FER1L6: variants seen among roughly 807,000 people sequenced by gnomAD.
FER1L6 encodes fer-1-like protein 6.
FER1L6 carries 177 observed loss-of-function variants against 219.2 expected under a neutral mutation model. That is an observed-to-expected ratio of 0.81 (90% CI 0.71 to 0.91). The LOEUF (loss-of-function observed/expected upper bound fraction) is 0.91, where lower values mean the gene tolerates loss of function less well. Ranked by LOEUF, FER1L6 falls within the 40% of genes least tolerant of loss-of-function variation. The pLI, the probability that FER1L6 is intolerant of heterozygous loss-of-function variation, is 0.00. For missense variants in FER1L6, 2,153 were observed against 2,259.9 expected (o/e 0.95, Z 0.96); for synonymous variants, 768 against 824.3 (o/e 0.93, Z 1.17).
At chr8:124,000,421 G>T (rs1032653234) in intron 12 of FER1L6, among the ~76,000 whole-genome samples, 1 of 152,030 alleles carries the variant, frequency 6.6e-6, no homozygotes, top group African/African-American at 2.4e-5. Flanking sequence ...GTCTTTCTGT[G>T]GGGGGTGATC....
chr8:124,027,380 GA>G (rs1162486902), intron 18 of FER1L6, among the ~76,000 whole-genome samples: 1 of 152,176 alleles, frequency 6.6e-6, no homozygotes, highest in African/African-American at 2.4e-5. Context: ...TCATGGTGAG[GA>G]AAAAGTGAAT....
chr8:124,070,959 T>C (rs1821044387), intron 30 of FER1L6, among the ~76,000 whole-genome samples: 1 of 152,212 alleles, frequency 6.6e-6, no homozygotes, highest in South Asian at 2.1e-4. Flanking sequence ...TCTGGCAGAC[T>C]TACAGTGTGA....
intron 1 of FER1L6, among the ~76,000 whole-genome samples, chr8:123,872,947 A>G (rs1816949011): frequency 6.6e-6 from 1 of 152,240 alleles, no homozygotes; most frequent in Non-Finnish European, 1.5e-5. Context: ...TATGTTGGAC[A>G]TGATGTTCCC....
At chr8:123,883,219 G>A (rs1817142259) in intron 1 of FER1L6, among the ~76,000 whole-genome samples, 1 of 152,174 alleles carries the variant, frequency 6.6e-6, no homozygotes, top group Admixed American at 6.5e-5. Flanking sequence ...ACAGAGGTGG[G>A]GCTGTGCTGT....
chr8:124,014,793 A>G (rs79673099), intron 15 of FER1L6, among the ~76,000 whole-genome samples: 4,132 of 152,264 alleles, frequency 0.027, 82 homozygotes, highest in East Asian at 0.08. Context: ...TTACTGAGAA[A>G]CAAATTTCCC....
At position 124,119,869 on chromosome 8, in the gene FER1L6, T is replaced by A; in HGVS notation, c.*79T>A. Reference sequence around the variant, plus strand: ...TGGGAGCATCTAAGAACATGTCCCATGCATGGCACTGTGCTGAGTGCTAAG... The same window carrying A: ...TGGGAGCATCTAAGAACATGTCCCAAGCATGGCACTGTGCTGAGTGCTAAG... On this transcript the variant is annotated 3_prime_UTR_variant, in exon 41 of 41. Coordinates refer to ENST00000522917, the MANE Select transcript of FER1L6 (RefSeq NM_001039112.2). 2 of 1,435,938 alleles carry A rather than the reference T, an allele frequency of 1.4e-6. No homozygotes were observed. Among genetic ancestry groups the A allele is most frequent in the Non-Finnish European group, 1.9e-6 (2 of 1,045,462 alleles). 88.9% of individuals were successfully genotyped at this position (1,435,938 alleles called of 1,614,324 possible). A position where few individuals can be genotyped will look rare whatever the true frequency, so the allele number is the denominator to read the frequency against.
chr8:123,898,848 T>TACACAC (rs147446907), intron 1 of FER1L6, among the ~76,000 whole-genome samples: 2,578 of 143,234 alleles, frequency 0.018, 74 homozygotes, highest in African/African-American at 0.062. Context: ...CATACATATA[T>TACACAC]ACACACACAC....
intron 1 of FER1L6, among the ~76,000 whole-genome samples, chr8:123,865,203 A>G (rs1267329764): frequency 6.7e-6 from 1 of 148,958 alleles, no homozygotes; most frequent in African/African-American, 2.6e-5. Flanking sequence ...TCTAACAGAC[A>G]GGACCCTCAG....
intron 1 of FER1L6, among the ~76,000 whole-genome samples, chr8:123,888,933 T>C (rs988557368): frequency 1.3e-5 from 2 of 152,228 alleles, no homozygotes; most frequent in Admixed American, 1.3e-4. Context: ...ATTGCCAAGT[T>C]CACATGACTT....
In FER1L6 at chr8:124,023,497, A is replaced by G. The variant is rs1563750101; in HGVS notation, c.2187A>G (p.Arg729=). 6.2e-7 allele frequency: 1 copy of G among 1,614,182 alleles called. No individual in the cohort carries two copies. The highest frequency in any genetic ancestry group is 8.5e-7 in the Non-Finnish European group (1 of 1,180,018). Residue 729 remains arginine (R), a synonymous_variant, in exon 18 of 41, where the codon AGA becomes AGG. Coordinates refer to ENST00000522917, the MANE Select transcript of FER1L6 (RefSeq NM_001039112.2). ...VFIWMLSNNR[R]VAYARIASKD... ...TCTGGATGCTCAGCAACAACAGGAG[A>G]GTGGCCTATGCCCGCATCGCCTCCA...
chr8:123,980,533 G>A lies in FER1L6; in HGVS notation c.1132G>A (p.Asp378Asn). Reference protein sequence around the residue: ...YGSPRNHSLMDDYQEMNEGFG... With the variant: ...YGSPRNHSLMNDYQEMNEGFG... ...CTCGCCCAGGAACCACAGTCTGATG[G>A]ATGACTACCAGGAAATGAACGAAGG... Residue 378 changes from aspartate to asparagine, a missense_variant, in exon 11 of 41, where the codon GAT (aspartate) becomes AAT (asparagine). By Grantham distance (23) the Asp-to-Asn change is conservative. Transcript: ENST00000522917. 1 of 1,614,122 alleles carries A rather than the reference G, an allele frequency of 6.2e-7. No homozygotes were observed. Among genetic ancestry groups the A allele is most frequent in the Non-Finnish European group, 8.5e-7 (1 of 1,180,008 alleles).
At chr8:123,895,825 C>T (rs1313410210) in intron 1 of FER1L6, among the ~76,000 whole-genome samples, 1 of 152,152 alleles carries the variant, frequency 6.6e-6, no homozygotes, top group Non-Finnish European at 1.5e-5. Context: ...CATTGCTCAG[C>T]TCAGTGTAAC....
At chr8:123,928,118 A>G (rs1256787209) in intron 1 of FER1L6, among the ~76,000 whole-genome samples, 1 of 152,258 alleles carries the variant, frequency 6.6e-6, no homozygotes, top group Non-Finnish European at 1.5e-5. Context: ...ACGAAATCTT[A>G]ATAAATGCTT....
At chr8:124,097,657 GT>G (rs1367445233) in intron 36 of FER1L6, 127 bp from the exon 37 acceptor site, 13 of 642,498 alleles carry the variant, frequency 2.0e-5, no homozygotes, top group African/African-American at 1.6e-4. Flanking sequence ...AAGCCCCTAA[GT>G]GTTGATATTT....
chr8:124,118,257 T>C (rs1823330630), intron 39 of FER1L6, among the ~76,000 whole-genome samples: 5 of 152,180 alleles, frequency 3.3e-5, no homozygotes, highest in Admixed American at 2.0e-4. Context: ...AACTATGGCA[T>C]AGTGCTCTAA....
chr8:123,915,074 C>T (rs1813146145), intron 1 of FER1L6, among the ~76,000 whole-genome samples: 1 of 150,392 alleles, frequency 6.6e-6, no homozygotes, highest in Non-Finnish European at 1.5e-5. Context: ...CCAAACAGGG[C>T]CTTTCCTTAT....
intron 1 of FER1L6, among the ~76,000 whole-genome samples, chr8:123,861,321 G>A (rs1164890734): frequency 4.2e-5 from 6 of 141,654 alleles, no homozygotes; most frequent in African/African-American, 1.7e-4. Context: ...TGAGGGCTCT[G>A]TTCTGTTCCA....
At chr8:123,899,125 G>T (rs1032680382) in intron 1 of FER1L6, among the ~76,000 whole-genome samples, 3 of 152,182 alleles carry the variant, frequency 2.0e-5, no homozygotes, top group Admixed American at 2.0e-4. Flanking sequence ...CCCACCAGAA[G>T]TGTGGAAGTG....
chr8:123,883,927 C>A (rs1464304221), intron 1 of FER1L6, among the ~76,000 whole-genome samples: 6 of 152,210 alleles, frequency 3.9e-5, no homozygotes, highest in African/African-American at 1.4e-4. Context: ...TTAATACAAT[C>A]ATGTTGGTAA....
Sources: allele counts gnomAD v4.1 joint callset (sites outside exome capture counted in the v4.1 genomes callset), GRCh38; gene constraint gnomAD v4.1.1; transcripts MANE v1.5; gene names NCBI Gene and HGNC (gene_info 2026-07-23, HGNC 2026-07-21).